Variants in WDR18 observed in about 807,000 individuals in gnomAD.
WDR18 encodes the protein WD repeat domain 18.
Under a neutral mutation model 49.6 loss-of-function variants are expected in WDR18, and 33 were observed. The ratio of observed to expected loss-of-function variants is 0.67; its 90% CI spans 0.50 to 0.89. The LOEUF is 0.89. Ranked by LOEUF, WDR18 falls within the 40% of genes least tolerant of loss-of-function variation. WDR18 has a pLI of 0.00. For missense variants in WDR18, 653 were observed against 593.6 expected (o/e 1.10, Z -1.04); for synonymous variants, 315 against 263.6 (o/e 1.19, Z -1.89).
rs2038520768 is a variant in WDR18, at chr19:989,843, C to T, written c.403C>T (p.His135Tyr). ...CCTTCAGTTCACAGGGGACAGCAGC[C>T]ACTTCATCTCAGGGGGCAAGGACTG... is the stretch of plus-strand genomic sequence containing the variant. ...SCLQFTGDSSHFISGGKDCLV... is the reference protein window; with the variant it reads ...SCLQFTGDSSYFISGGKDCLV... The change falls in exon 3 of 10, where the codon CAC becomes TAC. Residue 135 changes from histidine to tyrosine, a missense_variant. His to Tyr is a moderately conservative substitution (Grantham distance 83). Coordinates refer to ENST00000585809, the MANE Select transcript of WDR18 (RefSeq NM_024100.4). 1 of 1,612,676 alleles carries T rather than the reference C, an allele frequency of 6.2e-7. No individual in the cohort carries two copies. Among genetic ancestry groups the T allele is most frequent in the African/African-American group, 1.3e-5 (1 of 75,046 alleles).
chr19:986,286 C>G (rs968699127), intron 2 of WDR18, among the ~76,000 whole-genome samples: 10 of 152,206 alleles, frequency 6.6e-5, no homozygotes, highest in Non-Finnish European at 1.5e-4. Context: ...CAGCGCCTGG[C>G]ACTTGTGACT....
Position 990,833 on chromosome 19 carries a change from G to A in WDR18, c.598-19G>A, listed in dbSNP as rs368143828. On this transcript the variant is annotated intron_variant, in intron 4 of 9. Coordinates refer to ENST00000585809, the MANE Select transcript of WDR18 (RefSeq NM_024100.4). ...TTCCCCCTGCCGGGCCGAGCCCCAC[G>A]CCCTTTGCCCACCCGCAGCTATGGG... The A allele has an allele frequency of 4.5e-5, 71 of 1,586,138 alleles. No homozygotes were observed. In the East Asian group the frequency reaches 8.3e-4, roughly 19 times the overall value.
rs780150130 is a variant in WDR18, at chr19:989,906, G to A, written c.455+11G>A. 25 of 1,596,020 alleles carry A rather than the reference G, an allele frequency of 1.6e-5. No homozygotes were observed. The highest frequency in any genetic ancestry group is 3.4e-5 in the South Asian group (3 of 88,570). On this transcript the variant is annotated intron_variant, in intron 3 of 9. Transcript: ENST00000585809. ...TTGGAGCCTCTGCAGGTAGCGCCTT[G>A]CGCACTCAGGCCTGCACCTGGAACT...
upstream of WDR18, among the ~76,000 whole-genome samples, chr19:983,956 T>C (rs2038445490): frequency 6.6e-6 from 1 of 152,172 alleles, no homozygotes; most frequent in Non-Finnish European, 1.5e-5. Flanking sequence ...GCGCTCTCTC[T>C]TTTAGGCGCA....
In WDR18 at chr19:994,068, C is replaced by T. The variant is rs778212697; in HGVS notation, c.1147C>T (p.Leu383=). 1 of 1,559,710 alleles carries T rather than the reference C, an allele frequency of 6.4e-7. No individual in the cohort carries two copies. The highest frequency in any genetic ancestry group is 1.2e-5 in the South Asian group (1 of 84,880). The part of the protein sequence containing the change: ...LDRTEQLQAV[L]CSTMEKSVLG... ...CCGCACGGAGCAGCTGCAGGCCGTCCTGTGCAGCACCATGGAGAAGGTGGG... is the reference window on the plus strand; with the variant it reads ...CCGCACGGAGCAGCTGCAGGCCGTCTTGTGCAGCACCATGGAGAAGGTGGG... The change falls in exon 9 of 10, where the codon CTG becomes TTG. Residue 383 remains leucine, a synonymous_variant. Coordinates refer to ENST00000585809, the MANE Select transcript of WDR18 (RefSeq NM_024100.4).
At chr19:987,787 G>A (rs2038489558) in intron 2 of WDR18, among the ~76,000 whole-genome samples, 1 of 148,374 alleles carries the variant, frequency 6.7e-6, no homozygotes, top group South Asian at 2.1e-4. Context: ...AGTGTGCTGG[G>A]TGGCACCCAC....
intron 2 of WDR18, among the ~76,000 whole-genome samples, chr19:986,303 T>C (rs1210109544): frequency 6.6e-6 from 1 of 152,130 alleles, no homozygotes; most frequent in East Asian, 1.9e-4. Flanking sequence ...GACTTGAAAG[T>C]TATAAAGGGC....
At chr19:988,368 C>T (rs1012083610) in intron 2 of WDR18, among the ~76,000 whole-genome samples, 2 of 152,184 alleles carry the variant, frequency 1.3e-5, no homozygotes, top group Admixed American at 6.5e-5. Flanking sequence ...AGGGACCTCC[C>T]GGGAGGCACT....
At chr19:986,758 A>G (rs1283787769) in intron 2 of WDR18, among the ~76,000 whole-genome samples, 1 of 152,262 alleles carries the variant, frequency 6.6e-6, no homozygotes, top group Non-Finnish European at 1.5e-5. Context: ...GAGTGGGCAC[A>G]GAGATGTGCC....
At position 994,219 on chromosome 19, in the gene WDR18, C is replaced by A; in HGVS notation, c.1174C>A (p.Leu392Ile). 6.2e-7 allele frequency: 1 copy of A among 1,602,202 alleles called. No homozygotes were observed. The highest frequency in any genetic ancestry group is 2.2e-5 in the East Asian group (1 of 44,530). ...VLCSTMEKSV[L>I]GGQDQLRVRV... ...ACCCCGACTTCTCCCGCAGAGCGTG[C>A]TCGGCGGCCAGGACCAGCTGCGCGT... is the stretch of plus-strand genomic sequence containing the variant. Residue 392 changes from leucine to isoleucine, a missense_variant, in exon 10 of 10, where the codon CTC (leucine) becomes ATC (isoleucine). By Grantham distance (5) the Leu-to-Ile change is conservative. Transcript: ENST00000585809.
intron 7 of WDR18, 149 bp from the exon 8 acceptor site, chr19:991,806 C>CTTTGCT: frequency 1.6e-6 from 1 of 639,238 alleles, no homozygotes; most frequent in African/African-American, 3.9e-5. Flanking sequence ...GTGGACTGGT[C>CTTTGCT]GTGGGGCGGG....
intron 2 of WDR18, among the ~76,000 whole-genome samples, chr19:987,829 G>GTTTTTTTTGTTTTTTTTTT (rs2038490657): frequency 3.3e-5 from 3 of 91,822 alleles, no homozygotes; most frequent in African/African-American, 1.6e-4. Context: ...GCCGCCTCCA[G>GTTTTTTTTGTTTTTTTTTT]TTTTTTTTTT....
intron 8 of WDR18, among the ~76,000 whole-genome samples, chr19:993,315 G>A (rs1334006651): frequency 1.3e-5 from 2 of 152,220 alleles, no homozygotes; most frequent in Admixed American, 6.5e-5. Context: ...CCAGCCAAGC[G>A]CTCTCCCTAG....
chr19:986,962 C>T (rs538857195), intron 2 of WDR18, among the ~76,000 whole-genome samples: 1 of 152,328 alleles, frequency 6.6e-6, no homozygotes, highest in African/African-American at 2.4e-5. Context: ...TGTTTCTGCC[C>T]TTCCTGACCT....
intron 2 of WDR18, among the ~76,000 whole-genome samples, 168 bp downstream of exon 2, chr19:986,143 C>T (rs552675689): frequency 6.6e-6 from 1 of 152,172 alleles, no homozygotes; most frequent in Non-Finnish European, 1.5e-5. Flanking sequence ...CAGGTCCCCT[C>T]GAGACTTGCG....
intron 2 of WDR18, among the ~76,000 whole-genome samples, chr19:986,432 G>A (rs1359414414): frequency 6.6e-6 from 1 of 152,126 alleles, no homozygotes; most frequent in South Asian, 2.1e-4. Context: ...ACCACACCTG[G>A]CTAATTTGTT....
chr19:986,028 G>A (rs972476048), intron 2 of WDR18, 53 bp downstream of exon 2: 2 of 1,568,224 alleles, frequency 1.3e-6, no homozygotes, highest in African/African-American at 2.7e-5. Context: ...GCCCATCTGA[G>A]CTTTGCCTGC....
Position 991,097 on chromosome 19 carries a change from G to C in WDR18, c.758G>C (p.Arg253Thr), listed in dbSNP as rs143299760. The C allele has an allele frequency of 4.2e-4, 666 of 1,599,962 alleles. 1 individual carries two copies. Among genetic ancestry groups the C allele is most frequent in the Non-Finnish European group, 5.3e-4 (624 of 1,173,874 alleles). The change falls in exon 6 of 10, where the codon AGG (arginine) becomes ACG (threonine). Residue 253 changes from arginine to threonine, a missense_variant. Coordinates refer to ENST00000585809, the MANE Select transcript of WDR18 (RefSeq NM_024100.4). ...CCTTCGCAGCCCGGACAGAGGGAGA[G>C]GAGCTTCCACCCAGAGCAGGACGCC... ...DLFTWPGQRE[R>T]SFHPEQDAGK...
Position 994,410 on chromosome 19 carries a change from C to G in WDR18, c.*66C>G. ...CATGCCTCCCAGCAACCAGGGCCCGCGGGTGTGGCCCCCACCAGCCCAGGC... is the reference window on the plus strand; with the variant it reads ...CATGCCTCCCAGCAACCAGGGCCCGGGGGTGTGGCCCCCACCAGCCCAGGC... On this transcript the variant is annotated 3_prime_UTR_variant, in exon 10 of 10. Coordinates refer to ENST00000585809, the MANE Select transcript of WDR18 (RefSeq NM_024100.4). The G allele has an allele frequency of 6.5e-7, 1 of 1,537,882 alleles. No individual in the cohort carries two copies. Among genetic ancestry groups the G allele is most frequent in the Non-Finnish European group, 8.7e-7 (1 of 1,144,424 alleles).
Sources: gnomAD v4.1 joint callset for allele counts (sites outside exome capture counted in the v4.1 genomes callset) on GRCh38, gnomAD v4.1.1 for gene constraint, MANE v1.5 for transcripts, NCBI Gene and HGNC (gene_info 2026-07-23, HGNC 2026-07-21) for gene names.